GALNT9: variants seen among roughly 807,000 people sequenced by gnomAD.
GALNT9 encodes the protein GalNAc transferase 9.
GALNT9 carries 47 observed loss-of-function variants against 63.1 expected under a neutral mutation model. The ratio of observed to expected loss-of-function variants is 0.75; its 90% CI spans 0.59 to 0.95. The LOEUF is 0.95. GALNT9 is among the 40% of genes least tolerant of loss of function. The pLI is 0.00. For synonymous variants in GALNT9, 396 were observed against 365.7 expected (o/e 1.08, Z -0.94); for missense variants, 829 against 874.8 (o/e 0.95, Z 0.66).
chr12:132,228,496 C>T (rs1286529686), intron 6 of GALNT9, among the ~76,000 whole-genome samples: 3 of 150,682 alleles, frequency 2.0e-5, no homozygotes, highest in Admixed American at 6.6e-5. Flanking sequence ...AGCACCTCCT[C>T]GCTCCCTCCC....
At chr12:132,328,264 G>A (rs1555246664) in intron 1 of GALNT9, among the ~76,000 whole-genome samples, 2 of 152,090 alleles carry the variant, frequency 1.3e-5, no homozygotes, top group African/African-American at 4.8e-5. Context: ...AGACCCACCG[G>A]GAGCTGGAGG....
chr12:132,201,019 TCC>T, intron 8 of GALNT9, 103 bp downstream of exon 8: 3 of 1,139,206 alleles, frequency 2.6e-6, no homozygotes, highest in South Asian at 1.6e-5. Context: ...GCGCTACCTC[TCC>T]GTGTGCATGT....
chr12:132,313,368 T>C (rs1470953692), intron 1 of GALNT9, among the ~76,000 whole-genome samples: 9 of 131,208 alleles, frequency 6.9e-5, no homozygotes, highest in Admixed American at 4.5e-4. Flanking sequence ...CACCCACTAA[T>C]CCACCCATCC....
intron 9 of GALNT9, 51 bp downstream of exon 9, chr12:132,199,123 G>T: frequency 2.4e-6 from 3 of 1,241,688 alleles, no homozygotes; most frequent in South Asian, 1.2e-5. Flanking sequence ...GGTCCGGGTG[G>T]CCTGGGGTCG....
Position 132,203,676 on chromosome 12 carries a change from G to A in GALNT9, c.1092C>T (p.Gly364=), listed in dbSNP as rs112458926. Reference sequence around the variant, plus strand: ...AGCAGGGCAGCACCTCCATGCTGCCGCCACACTGCCACACCTGCGGGGAGA... The same window carrying A: ...AGCAGGGCAGCACCTCCATGCTGCCACCACACTGCCACACCTGCGGGGAGA... ...VELGMRVWQC[G]GSMEVLPCSR... Residue 364 remains glycine (G), a synonymous_variant, in exon 7 of 11, where the codon GGC becomes GGT. Transcript: ENST00000328957. 8.5e-5 allele frequency: 137 copies of A among 1,612,390 alleles called. 1 individual carries two copies. The highest frequency in any genetic ancestry group is 3.1e-4 in the African/African-American group (23 of 75,018).
chr12:132,215,302 C>T (rs1161678590), intron 6 of GALNT9, among the ~76,000 whole-genome samples: 23 of 152,266 alleles, frequency 1.5e-4, no homozygotes, highest in East Asian at 1.9e-4. Flanking sequence ...TTTACCAGCC[C>T]TCCTGTCGGG....
At chr12:132,320,831 G>A (rs758228594) in intron 1 of GALNT9, among the ~76,000 whole-genome samples, 3 of 152,240 alleles carry the variant, frequency 2.0e-5, no homozygotes, top group African/African-American at 4.8e-5. Flanking sequence ...CTGCTGTGCC[G>A]CGTGCCTCCT....
At chr12:132,222,807 C>T (rs1006608754) in intron 6 of GALNT9, among the ~76,000 whole-genome samples, 9 of 151,522 alleles carry the variant, frequency 5.9e-5, no homozygotes, top group African/African-American at 1.5e-4. Context: ...ACGCACCCCC[C>T]GCCACACACC....
At chr12:132,295,848 C>A (rs1313831291) in intron 1 of GALNT9, among the ~76,000 whole-genome samples, 1 of 145,712 alleles carries the variant, frequency 6.9e-6, no homozygotes, top group Non-Finnish European at 1.5e-5. Context: ...AGCCTCCGAA[C>A]AGGGACGGCC....
intron 6 of GALNT9, among the ~76,000 whole-genome samples, chr12:132,219,400 T>C (rs983276036): frequency 3.9e-5 from 6 of 152,164 alleles, no homozygotes; most frequent in African/African-American, 1.4e-4. Context: ...CCATAGCTCA[T>C]GAGGAGCAGA....
chr12:132,262,761 A>G, intron 2 of GALNT9, 136 bp from the exon 3 acceptor site: 1 of 1,401,638 alleles, frequency 7.1e-7, no homozygotes, highest in African/African-American at 1.5e-5. Flanking sequence ...CCCAGGAGCC[A>G]TAGCTCATCT....
chr12:132,307,554 C>A (rs1347420452), intron 1 of GALNT9, among the ~76,000 whole-genome samples: 9 of 151,936 alleles, frequency 5.9e-5, no homozygotes, highest in African/African-American at 2.2e-4. Context: ...GAGAAGCGGG[C>A]CGGACACAGT....
chr12:132,236,742 G>A lies in GALNT9; in HGVS notation c.1077+11168C>T, dbSNP rs1035282020. On this transcript the variant is annotated intron_variant, in intron 6 of 10. Coordinates refer to ENST00000328957, the MANE Select transcript of GALNT9 (RefSeq NM_001122636.2). This position sits in a 1 kb window ranked among gnomAD's most constrained non-coding sequence, Gnocchi z 5.6. ...GGCCTCGGCCAGCCACGCCTCCTGG[G>A]GGTCTCCCGTGTCTAAGTCTTGCTG... Among the ~76,000 whole-genome samples, 1 of 152,194 alleles carries A rather than the reference G, an allele frequency of 6.6e-6. No individual in the cohort carries two copies. Among genetic ancestry groups the A allele is most frequent in the African/African-American group, 2.4e-5 (1 of 41,438 alleles).
At chr12:132,253,345 T>G (rs1878996992) in intron 5 of GALNT9, among the ~76,000 whole-genome samples, 1 of 151,682 alleles carries the variant, frequency 6.6e-6, no homozygotes, top group Non-Finnish European at 1.5e-5. Context: ...GAAAGGAGAC[T>G]CCCTTCCACA....
intron 6 of GALNT9, among the ~76,000 whole-genome samples, chr12:132,228,710 G>A (rs1022430438): frequency 0.01 from 1,547 of 152,240 alleles, 25 homozygotes; most frequent in African/African-American, 0.035. Context: ...TGTAACACCC[G>A]AGGAGCAGCA....
At chr12:132,318,083 A>G (rs1868606686) in intron 1 of GALNT9, among the ~76,000 whole-genome samples, 1 of 152,224 alleles carries the variant, frequency 6.6e-6, no homozygotes. Context: ...TCTATCAAAA[A>G]ATACAAAAAT....
In GALNT9 at chr12:132,282,816, A is replaced by C. The variant is rs1036757545; in HGVS notation, c.419+3434T>G. On this transcript the variant is annotated intron_variant, in intron 2 of 10. Coordinates refer to ENST00000328957, the MANE Select transcript of GALNT9 (RefSeq NM_001122636.2). This position sits in a 1 kb window ranked among gnomAD's most constrained non-coding sequence, Gnocchi z 4.5. ...GCGGCGGGATCTGCAGCTGGGCTGA[A>C]ATGGATCAGAGCGGGGGGTGTGGAC... is the stretch of plus-strand genomic sequence containing the variant. 3 of 152,290 alleles carry C rather than the reference A, an allele frequency of 2.0e-5. No individual in the cohort carries two copies. Among genetic ancestry groups the C allele is most frequent in the African/African-American group, 7.2e-5 (3 of 41,400 alleles). 9.4% of individuals were successfully genotyped at this position (152,290 alleles called of 1,614,324 possible).
At chr12:132,268,260 C>G (rs528656901) in intron 2 of GALNT9, among the ~76,000 whole-genome samples, 1 of 151,988 alleles carries the variant, frequency 6.6e-6, no homozygotes, top group Non-Finnish European at 1.5e-5. Context: ...CACATGGACA[C>G]CCACCCCTAC....
chr12:132,238,457 G>T lies in GALNT9; in HGVS notation c.1077+9453C>A, dbSNP rs917650592. On this transcript the variant is annotated intron_variant, in intron 6 of 10. Transcript: ENST00000328957. This position sits in a 1 kb window ranked among gnomAD's most constrained non-coding sequence, Gnocchi z 6.5. The stretch of plus-strand genomic sequence containing the variant: ...GGGCAGCAGCCGCAGGGGCGACATG[G>T]TGTCAAGGTCTCCTGGACATTGTGC... Among the ~76,000 whole-genome samples the T allele has an allele frequency of 1.3e-5, 2 of 152,194 alleles. No individual in the cohort carries two copies. The highest frequency in any genetic ancestry group is 4.1e-4 in the South Asian group (2 of 4,838).
Sources: allele counts gnomAD v4.1 joint callset (sites outside exome capture counted in the v4.1 genomes callset), GRCh38; gene constraint gnomAD v4.1.1; non-coding constraint Gnocchi (gnomAD v3.1); transcripts MANE v1.5; gene names NCBI Gene and HGNC (gene_info 2026-07-23, HGNC 2026-07-21).